The following CLDN16 variants were observed in gnomAD, a reference collection of about 807,000 sequenced individuals.
The protein encoded by CLDN16 is claudin 16, also known as claudin-16.
CLDN16 carries 13 observed loss-of-function variants against 24.6 expected under a neutral mutation model. The ratio of observed to expected loss-of-function variants is 0.53; its 90% confidence interval spans 0.34 to 0.84. The LOEUF is 0.84. CLDN16 is among the 40% of genes least tolerant of loss of function. The pLI, the probability that CLDN16 is intolerant of heterozygous loss-of-function variation, is 0.01. For synonymous variants in CLDN16, 116 were observed against 106.7 expected, an observed-to-expected ratio of 1.09 and a Z score of -0.54; for missense variants, 298 against 292.7, an observed-to-expected ratio of 1.02 and a Z score of -0.13.
rs879486232 is a variant in CLDN16, at chr3:190,338,466, TCTTG to T, written n.121+15806_121+15809del. Reference sequence around the variant, plus strand: ...ATACCTACGTGAACTGCAGGTTATCTCTTGGTACCCTCATGCCCAAGTTTAATTA... The same window carrying T: ...ATACCTACGTGAACTGCAGGTTATCTGTACCCTCATGCCCAAGTTTAATTA... On this transcript the variant is annotated intron_variant and non_coding_transcript_variant, in intron 1 of 4. Transcript: ENST00000468220. 1.3e-3 allele frequency among the ~76,000 whole-genome samples: 202 copies of T among 152,328 alleles called. 1 individual carries two copies. Among genetic ancestry groups the T allele is most frequent in the Non-Finnish European group, 1.9e-3 (130 of 68,030 alleles).
At chr3:190,394,184 G>A (rs1396867821) in intron 1 of CLDN16, among the ~76,000 whole-genome samples, 1 of 152,084 alleles carries the variant, frequency 6.6e-6, no homozygotes, top group East Asian at 1.9e-4. Context: ...TAATAGCATT[G>A]TTAATATGTT....
chr3:190,389,655 T>TA (rs60341343), intron 1 of CLDN16, among the ~76,000 whole-genome samples: 22,161 of 152,184 alleles, frequency 0.15, 2,010 homozygotes, highest in Non-Finnish European at 0.2. Context: ...CTGTAAAGGA[T>TA]GTCTGCTATA....
chr3:190,397,822 A>G (rs3774007), intron 1 of CLDN16, among the ~76,000 whole-genome samples: 22,191 of 152,190 alleles, frequency 0.15, 2,018 homozygotes, highest in Non-Finnish European at 0.2. Context: ...TTTTCTAAAT[A>G]TGGTCATTGC....
intron 3 of CLDN16, among the ~76,000 whole-genome samples, chr3:190,382,483 T>A (rs760347755): frequency 6.6e-6 from 1 of 152,128 alleles, no homozygotes; most frequent in African/African-American, 2.4e-5. Flanking sequence ...ATTCTCCACA[T>A]TGGAGATGTC....
At chr3:190,297,459 T>C in the CLDN16 span, among the ~76,000 whole-genome samples, 1 of 89,144 alleles carries the variant, frequency 1.1e-5, no homozygotes, top group Non-Finnish European at 2.1e-5. Context: ...ATATGTATCA[T>C]ATTAATTGTT....
At chr3:190,309,412 A>C in the CLDN16 span, among the ~76,000 whole-genome samples, 1 of 152,222 alleles carries the variant, frequency 6.6e-6, no homozygotes, top group East Asian at 1.9e-4. Context: ...AAAAAGAAAC[A>C]CATCTTATCT....
intron 3 of CLDN16, among the ~76,000 whole-genome samples, chr3:190,380,241 C>G (rs1281766179): frequency 1.3e-4 from 4 of 31,880 alleles, no homozygotes; most frequent in East Asian, 9.0e-4. Context: ...TCCTTCCCTC[C>G]CTTCCTTCCT....
chr3:190,364,115 C>T (rs758573174), intron 1 of CLDN16, among the ~76,000 whole-genome samples: 10 of 151,844 alleles, frequency 6.6e-5, no homozygotes, highest in Non-Finnish European at 1.2e-4. Flanking sequence ...CATTTGTGAA[C>T]AAAGCTTATC....
chr3:190,346,727 C>T (rs767779984), intron 1 of CLDN16, among the ~76,000 whole-genome samples: 14 of 152,144 alleles, frequency 9.2e-5, no homozygotes, highest in Non-Finnish European at 1.6e-4. Flanking sequence ...CCTGCCTTCT[C>T]CTAGCTTGTA....
intron 1 of CLDN16, among the ~76,000 whole-genome samples, chr3:190,332,921 A>G (rs1284255898): frequency 1.3e-5 from 2 of 152,166 alleles, no homozygotes; most frequent in South Asian, 4.1e-4. Flanking sequence ...ATACGAAGGG[A>G]ACATTGTATT....
the CLDN16 span, among the ~76,000 whole-genome samples, chr3:190,293,949 T>C: frequency 2.0e-5 from 3 of 152,220 alleles, no homozygotes; most frequent in Admixed American, 6.5e-5. Context: ...GTGGAAATAC[T>C]GAGCAAGTAC....
intron 4 of CLDN16, among the ~76,000 whole-genome samples, chr3:190,409,290 G>GCACACATGTATATGTATGTATATATA (rs1719206819): frequency 6.6e-6 from 1 of 151,780 alleles, no homozygotes; most frequent in South Asian, 2.1e-4. Context: ...ATGTATATAT[G>GCACACATGTATATGTATGTATATATA]CACACATGTA....
chr3:190,375,252 A>G (rs1718222481), intron 3 of CLDN16, among the ~76,000 whole-genome samples: 1 of 151,890 alleles, frequency 6.6e-6, no homozygotes, highest in Admixed American at 6.6e-5. Flanking sequence ...TACTGACAGC[A>G]TTTTTGCAAA....
At chr3:190,346,895 G>A (rs566315197) in intron 1 of CLDN16, among the ~76,000 whole-genome samples, 2 of 152,214 alleles carry the variant, frequency 1.3e-5, no homozygotes, top group African/African-American at 4.8e-5. Context: ...ATCAGTTATT[G>A]TATGGCTCAC....
chr3:190,408,348 T>C lies in CLDN16; in HGVS notation c.417T>C (p.Ala139=). 6.2e-7 allele frequency: 1 copy of C among 1,614,200 alleles called. No homozygotes were observed. The highest frequency in any genetic ancestry group is 8.5e-7 in the Non-Finnish European group (1 of 1,180,024). The change falls in exon 4 of 5, where the codon GCT becomes GCC. Residue 139 remains alanine (A), a synonymous_variant. Transcript: ENST00000264734. ...TPGIIGSVWY[A]VDVYVERSTL... is the part of the protein sequence containing the mutation. Reference sequence around the variant, plus strand: ...GAATCATTGGCTCTGTGTGGTATGCTGTTGATGTGTATGTGGAACGTTCTA... The same window carrying C: ...GAATCATTGGCTCTGTGTGGTATGCCGTTGATGTGTATGTGGAACGTTCTA...
intron 1 of CLDN16, among the ~76,000 whole-genome samples, chr3:190,364,123 A>T (rs1384400148): frequency 1.3e-5 from 2 of 151,948 alleles, no homozygotes; most frequent in African/African-American, 4.8e-5. Context: ...AACAAAGCTT[A>T]TCCTTTTTCC....
At position 190,367,302 on chromosome 3, in the gene CLDN16, A is replaced by G. The variant is rs1348139272; in HGVS notation, n.122-3591A>G. ...AAGATAATCATTACTTCATGAAACA[A>G]TCTTTCTATTTTGTGACCTTTTAGA... On this transcript the variant is annotated intron_variant and non_coding_transcript_variant, in intron 1 of 4. Transcript: ENST00000468220. Among the ~76,000 whole-genome samples, 6 of 151,992 alleles carry G rather than the reference A, an allele frequency of 3.9e-5. No individual in the cohort carries two copies. In the South Asian group the frequency reaches 1.0e-3, roughly 26 times the overall value.
intron 1 of CLDN16, among the ~76,000 whole-genome samples, chr3:190,337,115 G>A (rs1560081537): frequency 6.6e-6 from 1 of 152,184 alleles, no homozygotes; most frequent in Non-Finnish European, 1.5e-5. Context: ...ATGGACTGCT[G>A]TTGTAATATA....
At chr3:190,365,368 T>A (rs1278441762) in intron 1 of CLDN16, among the ~76,000 whole-genome samples, 1 of 151,700 alleles carries the variant, frequency 6.6e-6, no homozygotes, top group Non-Finnish European at 1.5e-5. Context: ...CACTCTTTAT[T>A]GTATTGGCCA....
Sources: gnomAD v4.1 joint callset for allele counts (sites outside exome capture counted in the v4.1 genomes callset) on GRCh38, gnomAD v4.1.1 for gene constraint, MANE v1.5 for transcripts, NCBI Gene and HGNC (gene_info 2026-07-23, HGNC 2026-07-21) for gene names.